PRKG1: variants seen among roughly 807,000 people sequenced by gnomAD.
PRKG1 encodes cGMP-dependent protein kinase 1.
A neutral mutation model predicts 88.1 loss-of-function variants in PRKG1; 35 were observed. The observed-to-expected ratio is 0.40, with a 90% CI of 0.30 to 0.53. PRKG1 has a LOEUF of 0.53. Among genes scored for constraint, PRKG1 ranks in the 20% least tolerant of loss-of-function variants. PRKG1 has a pLI of 0.59. For synonymous variants in PRKG1, 303 were observed against 292.5 expected, an observed-to-expected ratio of 1.04 and a Z score of -0.37; for missense variants, 540 against 839.8, an observed-to-expected ratio of 0.64 and a Z score of 4.41.
chr10:52,088,958 A>G (rs1846984045), intron 7 of PRKG1, among the ~76,000 whole-genome samples: 2 of 152,224 alleles, frequency 1.3e-5, no homozygotes. Context: ...TGTATGGCAC[A>G]TGAGTGATTG....
intron 9 of PRKG1, among the ~76,000 whole-genome samples, chr10:52,199,375 T>C (rs1839598065): frequency 6.6e-6 from 1 of 152,126 alleles, no homozygotes; most frequent in African/African-American, 2.4e-5. Context: ...AAACACATCT[T>C]CACTCAAAGA....
rs1460760010 is a variant in PRKG1 at position 51,468,537 on chromosome 10, T to C, written c.592+701T>C. Among the ~76,000 whole-genome samples the C allele has an allele frequency of 3.3e-5, 5 of 151,810 alleles. No individual in the cohort carries two copies. In the East Asian group the frequency reaches 9.6e-4, roughly 29 times the overall value. On this transcript the variant is annotated intron_variant, in intron 3 of 17. Transcript: ENST00000373980. ...AAAGATTTTTTTAAAAAAAATCTGCTTCCTGAATAAGTATATAATGACTGT... is the reference window on the plus strand; with the variant it reads ...AAAGATTTTTTTAAAAAAAATCTGCCTCCTGAATAAGTATATAATGACTGT...
intron 3 of PRKG1, among the ~76,000 whole-genome samples, chr10:51,724,646 T>C (rs1262424103): frequency 6.6e-6 from 1 of 152,188 alleles, no homozygotes; most frequent in Non-Finnish European, 1.5e-5. Flanking sequence ...TGCTGTGGCC[T>C]CCAAAAGTGT....
chr10:52,204,872 C>T (rs775953653), intron 9 of PRKG1, among the ~76,000 whole-genome samples: 52 of 152,166 alleles, frequency 3.4e-4, no homozygotes, highest in Middle Eastern at 3.4e-3. Context: ...TCTGGCTGCC[C>T]GTTGGCTGGG....
chr10:52,051,091 T>C (rs1158356597), intron 5 of PRKG1, among the ~76,000 whole-genome samples: 1 of 152,164 alleles, frequency 6.6e-6, no homozygotes, highest in East Asian at 1.9e-4. Flanking sequence ...ATGTCAATAG[T>C]GCTGAGGTTA....
chr10:52,288,849 G>T lies in PRKG1; in HGVS notation c.1832+1G>T. On this transcript the variant is annotated splice_donor_variant, in intron 15 of 17. Coordinates refer to ENST00000373980, the MANE Select transcript of PRKG1 (RefSeq NM_006258.4). LOFTEE classifies it high-confidence loss of function. ...CTAATTTAATTAAAAAACTATGCAG[G>T]TAAGTATTTCAACCACATTATTTTT... 6.3e-7 allele frequency: 1 copy of T among 1,599,618 alleles called. No homozygotes were observed.
At chr10:51,431,639 A>T (rs1838773270) in intron 2 of PRKG1, among the ~76,000 whole-genome samples, 1 of 152,144 alleles carries the variant, frequency 6.6e-6, no homozygotes, top group Non-Finnish European at 1.5e-5. Context: ...TGAGAGGGGC[A>T]GTCTATCCTC....
intron 3 of PRKG1, chr10:51,699,631 A>C: frequency 6.7e-7 from 1 of 1,493,058 alleles, no homozygotes; most frequent in Admixed American, 2.2e-5. Context: ...TGAGCAACGG[A>C]AGCGGCTTTC....
intron 12 of PRKG1, among the ~76,000 whole-genome samples, chr10:52,275,749 G>C (rs1407485003): frequency 1.3e-5 from 2 of 152,002 alleles, no homozygotes; most frequent in Non-Finnish European, 2.9e-5. Context: ...GGATTGCATT[G>C]AATTTGGATT....
intron 3 of PRKG1, among the ~76,000 whole-genome samples, chr10:51,777,699 CAT>C (rs995491495): frequency 3.9e-5 from 6 of 152,260 alleles, no homozygotes; most frequent in East Asian, 1.9e-4. Flanking sequence ...AAATGTAAAA[CAT>C]GTGTTCACAA....
Position 51,267,717 on chromosome 10 carries a change from A to G in PRKG1, c.478+114387A>G, listed in dbSNP as rs1839872627. On this transcript the variant is annotated intron_variant, in intron 2 of 17. Coordinates refer to ENST00000373980, the MANE Select transcript of PRKG1 (RefSeq NM_006258.4). ...GAAACCCTAAAAATTCTGGAAGATAACATCGGGAAAACTCTTCTAATTGGT... is the reference window on the plus strand; with the variant it reads ...GAAACCCTAAAAATTCTGGAAGATAGCATCGGGAAAACTCTTCTAATTGGT... 4.6e-5 allele frequency among the ~76,000 whole-genome samples: 7 copies of G among 152,200 alleles called. No individual in the cohort carries two copies. The South Asian group carries it at 1.4e-3, about 32-fold the overall frequency.
At chr10:51,652,817 T>C (rs1840072727) in intron 3 of PRKG1, among the ~76,000 whole-genome samples, 1 of 152,198 alleles carries the variant, frequency 6.6e-6, no homozygotes, top group African/African-American at 2.4e-5. Context: ...AACAGATCAC[T>C]ACAACCTATT....
chr10:51,196,118 A>G (rs1405856106), intron 2 of PRKG1, among the ~76,000 whole-genome samples: 1 of 152,198 alleles, frequency 6.6e-6, no homozygotes, highest in Non-Finnish European at 1.5e-5. Context: ...GAGGGATAGT[A>G]GGAAGGAGAG....
In PRKG1 at chr10:51,899,594, G is replaced by A. The variant is rs956985857; in HGVS notation, c.699-7913G>A. On this transcript the variant is annotated intron_variant, in intron 4 of 17. Coordinates refer to ENST00000373980, the MANE Select transcript of PRKG1 (RefSeq NM_006258.4). ...AATCTCTTGAACTTGGGAGGCAGAG[G>A]TTGCAGTGAGCCCAGATCCCACCAT... 8.0e-5 allele frequency among the ~76,000 whole-genome samples: 12 copies of A among 149,944 alleles called. No homozygotes were observed. In the South Asian group the frequency reaches 2.5e-3, roughly 32 times the overall value.
At chr10:51,991,680 T>C (rs1051145988) in intron 5 of PRKG1, among the ~76,000 whole-genome samples, 2 of 152,204 alleles carry the variant, frequency 1.3e-5, no homozygotes, top group Non-Finnish European at 2.9e-5. Flanking sequence ...GGTTTCCAGC[T>C]TCATCCATAT....
At chr10:51,362,301 A>G (rs1842498614) in intron 2 of PRKG1, among the ~76,000 whole-genome samples, 1 of 151,916 alleles carries the variant, frequency 6.6e-6, no homozygotes, top group South Asian at 2.1e-4. Context: ...ATATAAAAAT[A>G]TTAAAGTTTT....
At chr10:52,182,772 C>G (rs929629267) in intron 9 of PRKG1, among the ~76,000 whole-genome samples, 7 of 150,496 alleles carry the variant, frequency 4.7e-5, no homozygotes, top group African/African-American at 1.7e-4. Context: ...TCTGAGGGCT[C>G]TGTTCTGTTC....
At chr10:52,041,545 G>A (rs1845755253) in intron 5 of PRKG1, among the ~76,000 whole-genome samples, 1 of 152,128 alleles carries the variant, frequency 6.6e-6, no homozygotes, top group Non-Finnish European at 1.5e-5. Context: ...TGGTTTGAAA[G>A]GAATTAGTAT....
chr10:51,795,730 T>TA (rs1838992754), intron 3 of PRKG1, among the ~76,000 whole-genome samples: 1 of 152,016 alleles, frequency 6.6e-6, no homozygotes, highest in Admixed American at 6.6e-5. Context: ...GAGCATATAT[T>TA]AAAGTACCTT....
Sources: gnomAD v4.1 joint callset for allele counts (sites outside exome capture counted in the v4.1 genomes callset) on GRCh38, gnomAD v4.1.1 for gene constraint, MANE v1.5 for transcripts, NCBI Gene and HGNC (gene_info 2026-07-23, HGNC 2026-07-21) for gene names.